KIF26B: variants seen among roughly 807,000 people sequenced by gnomAD.
KIF26B encodes kinesin family member 26B.
Under a neutral mutation model 151.2 loss-of-function variants are expected in KIF26B, and 63 were observed. The ratio of observed to expected loss-of-function variants is 0.42; its 90% CI spans 0.34 to 0.51. The LOEUF is 0.51. KIF26B is among the 20% of genes least tolerant of loss of function. The probability of loss-of-function intolerance (pLI) is 0.07; values close to 1 mark genes in which losing one functional copy is unlikely to be tolerated. For synonymous variants in KIF26B, 1,357 were observed against 1,262.1 expected, an observed-to-expected ratio of 1.08 and a Z score of -1.59; for missense variants, 2,813 against 2,913.6, an observed-to-expected ratio of 0.97 and a Z score of 0.79.
At chr1:245,632,664 T>A (rs531628155) in intron 9 of KIF26B, among the ~76,000 whole-genome samples, 2 of 152,158 alleles carry the variant, frequency 1.3e-5, no homozygotes, top group Non-Finnish European at 2.9e-5. Flanking sequence ...TCCCAGCACT[T>A]TGGAAGGCCA....
chr1:245,260,889 C>G lies in KIF26B; in HGVS notation c.465+104206C>G, dbSNP rs190682608. The stretch of plus-strand genomic sequence containing the variant: ...CTCAATAGCCTTCTTGTCTTTTAGC[C>G]TAGGACTCTGGACATAGCTCTCTGT... On this transcript the variant is annotated intron_variant, in intron 2 of 14. Coordinates refer to ENST00000407071, the MANE Select transcript of KIF26B (RefSeq NM_018012.4). Among the ~76,000 whole-genome samples the G allele has an allele frequency of 8.5e-5, 13 of 152,300 alleles. No homozygotes were observed. The East Asian group carries it at 2.5e-3, about 29-fold the overall frequency.
intron 4 of KIF26B, among the ~76,000 whole-genome samples, chr1:245,504,803 G>A (rs574901300): frequency 1.8e-4 from 28 of 152,136 alleles, no homozygotes; most frequent in African/African-American, 3.6e-4. Context: ...AGGTGGCTCT[G>A]TCTCCTCGTA....
rs1045418805 is a variant in KIF26B at position 245,667,459 on chromosome 1, G to A, written c.2259-16774G>A. Among the ~76,000 whole-genome samples the A allele has an allele frequency of 1.8e-4, 27 of 152,018 alleles. No individual in the cohort carries two copies. The highest frequency in any genetic ancestry group is 5.3e-4 in the African/African-American group (22 of 41,388). The stretch of plus-strand genomic sequence containing the variant: ...CTCCCAAAGTGCTGGGATTACAGGC[G>A]TGAGCCACCGTGCCTGGCCTGCTTT... On this transcript the variant is annotated intron_variant, in intron 10 of 14. Transcript: ENST00000407071. This position sits in a 1 kb window ranked among gnomAD's most constrained non-coding sequence, Gnocchi z 4.3.
At chr1:245,381,864 A>T (rs1266721485) in intron 3 of KIF26B, among the ~76,000 whole-genome samples, 1 of 152,114 alleles carries the variant, frequency 6.6e-6, no homozygotes. Flanking sequence ...ACTTGGCATA[A>T]TGTCCTCAAG....
chr1:245,425,401 A>G (rs1658619032), intron 4 of KIF26B, among the ~76,000 whole-genome samples: 1 of 152,022 alleles, frequency 6.6e-6, no homozygotes, highest in Admixed American at 6.6e-5. Flanking sequence ...ATTAAAACTC[A>G]TGGGTTTTGT....
In KIF26B at chr1:245,698,353, C is replaced by CCTT. The variant is rs2044722443; in HGVS notation, c.6027+46_6027+47insTTC. The CCTT allele has an allele frequency of 1.9e-6, 3 of 1,538,898 alleles. No individual in the cohort carries two copies. The highest frequency in any genetic ancestry group is 2.7e-6 in the Non-Finnish European group (3 of 1,123,780). On this transcript the variant is annotated intron_variant, in intron 13 of 14. Coordinates refer to ENST00000407071, the MANE Select transcript of KIF26B (RefSeq NM_018012.4). The surrounding 1 kb of genome is among the most constrained non-coding windows in gnomAD (Gnocchi z 4.0). ...ACCCCCTGCCTACGTGGTGGCAGCT[C>CCTT]CCCACCAAGCCTGAGCAGGTGCTAG...
At chr1:245,379,380 T>A (rs1043628137) in intron 3 of KIF26B, among the ~76,000 whole-genome samples, 1 of 152,122 alleles carries the variant, frequency 6.6e-6, no homozygotes, top group African/African-American at 2.4e-5. Flanking sequence ...TTTTACAGCG[T>A]AGTGGACAGG....
chr1:245,692,621 C>T (rs967265558), intron 12 of KIF26B, among the ~76,000 whole-genome samples: 2 of 152,126 alleles, frequency 1.3e-5, no homozygotes, highest in African/African-American at 4.8e-5. Flanking sequence ...GCCACAGTCA[C>T]ACCCGGAACA....
In KIF26B at chr1:245,495,639, C is replaced by G. The variant is rs141663052; in HGVS notation, c.1167-45128C>G. Among the ~76,000 whole-genome samples, 1 of 152,106 alleles carries G rather than the reference C, an allele frequency of 6.6e-6. No individual in the cohort carries two copies. Among genetic ancestry groups the G allele is most frequent in the South Asian group, 2.1e-4 (1 of 4,824 alleles). On this transcript the variant is annotated intron_variant, in intron 4 of 14. Transcript: ENST00000407071. This position sits in a 1 kb window ranked among gnomAD's most constrained non-coding sequence, Gnocchi z 4.2. ...TATAGTTTGGTATCCATTAATGAACCTCTCCCCATCCACCTCTCCTTCCTA... is the reference window on the plus strand; with the variant it reads ...TATAGTTTGGTATCCATTAATGAACGTCTCCCCATCCACCTCTCCTTCCTA...
chr1:245,280,281 A>G (rs1459924771), intron 2 of KIF26B, among the ~76,000 whole-genome samples: 1 of 151,458 alleles, frequency 6.6e-6, no homozygotes, highest in Non-Finnish European at 1.5e-5. Context: ...TGGGAGGCCG[A>G]GACGGGTGGA....
chr1:245,228,391 A>C (rs1406384130), intron 2 of KIF26B, among the ~76,000 whole-genome samples: 2 of 152,134 alleles, frequency 1.3e-5, no homozygotes, highest in African/African-American at 4.8e-5. Context: ...ACATGGGGAA[A>C]TCCCACCTCT....
chr1:245,674,553 G>A, intron 10 of KIF26B, among the ~76,000 whole-genome samples: 2 of 152,282 alleles, frequency 1.3e-5, no homozygotes, highest in South Asian at 4.1e-4. Flanking sequence ...ATTGATTCAG[G>A]AGAAATCTAT....
chr1:245,417,609 A>T (rs182000381), intron 3 of KIF26B, among the ~76,000 whole-genome samples: 3 of 152,264 alleles, frequency 2.0e-5, no homozygotes, highest in Non-Finnish European at 4.4e-5. Flanking sequence ...AGGAGAAACA[A>T]TCTTGCTTGG....
intron 4 of KIF26B, among the ~76,000 whole-genome samples, chr1:245,482,791 G>A (rs571457551): frequency 6.7e-4 from 102 of 151,828 alleles, no homozygotes; most frequent in African/African-American, 2.4e-3. Context: ...CGAGGCAAAT[G>A]CGTTCCCTAA....
chr1:245,670,244 CCATATA>C (rs2044266517), intron 10 of KIF26B, among the ~76,000 whole-genome samples: 1 of 57,000 alleles, frequency 1.8e-5, no homozygotes, highest in African/African-American at 6.6e-5. Context: ...GTGTGTATAT[CCATATA>C]TATATATATA....
At chr1:245,674,818 C>G (rs1042881688) in intron 10 of KIF26B, among the ~76,000 whole-genome samples, 1 of 152,174 alleles carries the variant, frequency 6.6e-6, no homozygotes, top group East Asian at 1.9e-4. Context: ...ATGAGCTCCT[C>G]AGAATCAGCC....
intron 2 of KIF26B, among the ~76,000 whole-genome samples, chr1:245,274,172 G>C (rs1486127845): frequency 6.6e-6 from 1 of 151,806 alleles, no homozygotes; most frequent in Non-Finnish European, 1.5e-5. Context: ...ACAAATTCAT[G>C]TTTTTATGTT....
rs778423544 is a variant in KIF26B at position 245,685,391 on chromosome 1, C to T, written c.2422-14C>T. ...ACGGAAAGGCCACCACATTAACTGCCGTCTCACTCACAGTACACATCCAGC... is the reference window on the plus strand; with the variant it reads ...ACGGAAAGGCCACCACATTAACTGCTGTCTCACTCACAGTACACATCCAGC... On this transcript the variant is annotated splice_polypyrimidine_tract_variant and intron_variant, in intron 11 of 14. Transcript: ENST00000407071. The T allele has an allele frequency of 1.6e-5, 25 of 1,585,376 alleles. No homozygotes were observed. The highest frequency in any genetic ancestry group is 5.1e-5 in the Admixed American group (3 of 58,370).
chr1:245,223,719 A>G (rs916859093), intron 2 of KIF26B, among the ~76,000 whole-genome samples: 2 of 151,914 alleles, frequency 1.3e-5, no homozygotes, highest in Admixed American at 6.6e-5. Flanking sequence ...GTTCTCCAAC[A>G]CTCCTTCAGG....
Sources: gnomAD v4.1 joint callset for allele counts (sites outside exome capture counted in the v4.1 genomes callset) on GRCh38, gnomAD v4.1.1 for gene constraint, Gnocchi (gnomAD v3.1) non-coding constraint, MANE v1.5 for transcripts, NCBI Gene and HGNC (gene_info 2026-07-23, HGNC 2026-07-21) for gene names.